The following TERF1 variants were observed in gnomAD, a reference collection of about 807,000 sequenced individuals.
TERF1 encodes telomeric repeat binding factor 1.
In TERF1, 20 loss-of-function variants were observed where a neutral mutation model predicts 55.1. The observed-to-expected ratio is 0.36, with a 90% CI of 0.26 to 0.53. The LOEUF (loss-of-function observed/expected upper bound fraction) is 0.53. Ranked by LOEUF, TERF1 falls within the 20% of genes least tolerant of loss-of-function variation. The probability of loss-of-function intolerance (pLI) is 0.91; values close to 1 mark genes in which losing one functional copy is unlikely to be tolerated. For synonymous variants in TERF1, 168 were observed against 181.2 expected, an observed-to-expected ratio of 0.93 and a Z score of 0.59; for missense variants, 439 against 535.7, an observed-to-expected ratio of 0.82 and a Z score of 1.78.
chr8:73,030,119 C>T (rs1207846082), intron 6 of TERF1: 5 of 373,890 alleles, frequency 1.3e-5, no homozygotes, highest in African/African-American at 1.0e-4. Flanking sequence ...ATTAATTATG[C>T]TTATGTTTGG....
Position 73,047,561 on chromosome 8 carries a change from A to G in TERF1, c.*1424A>G, listed in dbSNP as rs1042160386. 9 of 152,210 alleles carry G rather than the reference A, an allele frequency of 5.9e-5. No homozygotes were observed. The highest frequency in any genetic ancestry group is 2.2e-4 in the African/African-American group (9 of 41,464). 9.4% of individuals were successfully genotyped at this position (152,210 alleles called of 1,614,324 possible). ...ATTTAGACTAACAGAATTATTTAGCATTTCGAGTCATGTGCTTTATTTAGC... is the reference window on the plus strand; with the variant it reads ...ATTTAGACTAACAGAATTATTTAGCGTTTCGAGTCATGTGCTTTATTTAGC... On this transcript the variant is annotated 3_prime_UTR_variant, in exon 10 of 10. Coordinates refer to ENST00000276603, the MANE Select transcript of TERF1 (RefSeq NM_017489.3).
chr8:73,022,550 A>G (rs1243028186), intron 4 of TERF1, among the ~76,000 whole-genome samples: 1 of 152,172 alleles, frequency 6.6e-6, no homozygotes, highest in African/African-American at 2.4e-5. Context: ...GAGCTCAGGC[A>G]TTCGAGACCA....
chr8:73,038,795 C>T (rs898352340), intron 8 of TERF1: 35 of 947,704 alleles, frequency 3.7e-5, no homozygotes, highest in African/African-American at 3.4e-4. Context: ...AAAACATTAT[C>T]GTAAGAAAAT....
Position 73,016,861 on chromosome 8 carries a change from A to G in TERF1, c.415+2871A>G, listed in dbSNP as rs529956750. 9.8e-5 allele frequency among the ~76,000 whole-genome samples: 15 copies of G among 152,304 alleles called. No homozygotes were observed. In the East Asian group the frequency reaches 2.7e-3, roughly 27 times the overall value. Reference sequence around the variant, plus strand: ...CTGTTCTTATTTGTCTTTCTCCAGTAAAGTCTCTCTGGCTGGAGTGCACTG... The same window carrying G: ...CTGTTCTTATTTGTCTTTCTCCAGTGAAGTCTCTCTGGCTGGAGTGCACTG... On this transcript the variant is annotated intron_variant, in intron 2 of 9. Transcript: ENST00000276603.
At chr8:73,038,739 A>G in intron 8 of TERF1, 1 of 969,458 alleles carries the variant, frequency 1.0e-6, no homozygotes, top group Non-Finnish European at 1.2e-6. Flanking sequence ...CTGACTATGA[A>G]TAAGAAAGAA....
At chr8:73,023,088 G>A (rs1028858064) in intron 4 of TERF1, among the ~76,000 whole-genome samples, 1 of 152,118 alleles carries the variant, frequency 6.6e-6, no homozygotes, top group African/African-American at 2.4e-5. Flanking sequence ...ATCTGTATGT[G>A]TTCAGTACAG....
At chr8:73,020,605 T>TGCATATACACTCAG in intron 2 of TERF1, 79 bp from the exon 3 acceptor site, 2 of 1,274,698 alleles carry the variant, frequency 1.6e-6, no homozygotes, top group Admixed American at 4.8e-5. Flanking sequence ...CAGTAAATAT[T>TGCATATACACTCAG]TAAAGGAATG....
chr8:73,032,091 C>G lies in TERF1; in HGVS notation c.997C>G (p.Gln333Glu). ...TAAGTTGCAACATGGAACCCAGCAA[C>G]AAGACCTTAATAAGAAAGAAAGAAG... ...LSKLQHGTQQ[Q>E]DLNKKERRVG... The change falls in exon 8 of 10, where the codon CAA (glutamine) becomes GAA (glutamate). Residue 333 changes from glutamine (Q) to glutamate (E), a missense_variant. By Grantham distance (29) the Gln-to-Glu change is conservative. Transcript: ENST00000276603. 2 of 1,612,288 alleles carry G rather than the reference C, an allele frequency of 1.2e-6. No homozygotes were observed. Among genetic ancestry groups the G allele is most frequent in the Non-Finnish European group, 1.7e-6 (2 of 1,179,474 alleles).
chr8:73,022,823 C>T (rs1808823129), intron 4 of TERF1, among the ~76,000 whole-genome samples: 1 of 151,988 alleles, frequency 6.6e-6, no homozygotes, highest in African/African-American at 2.4e-5. Flanking sequence ...TGGCGCAATA[C>T]TGTAGTCCTG....
chr8:73,026,370 G>A (rs1172591679), intron 5 of TERF1, among the ~76,000 whole-genome samples: 3 of 150,564 alleles, frequency 2.0e-5, no homozygotes, highest in East Asian at 2.0e-4. Flanking sequence ...GCATAGTGGC[G>A]CATGCCTGTA....
intron 9 of TERF1, among the ~76,000 whole-genome samples, chr8:73,040,462 T>C (rs995138897): frequency 1.3e-5 from 2 of 152,238 alleles, no homozygotes; most frequent in African/African-American, 4.8e-5. Flanking sequence ...TTGTTGCTTT[T>C]GGGTGAATTC....
chr8:73,009,037 G>C lies in TERF1; in HGVS notation c.151G>C (p.Val51Leu). ...GGAACTGCTCGAGTGCCAGGTGCAG[G>C]TGGGGGCCCCCGAGGAGGAGGAGGA... Reference protein sequence around the residue: ...CQELLECQVQVGAPEEEEEEE... With the variant: ...CQELLECQVQLGAPEEEEEEE... The change falls in exon 1 of 10, where the codon GTG (valine) becomes CTG (leucine). Residue 51 changes from valine to leucine, a missense_variant. Transcript: ENST00000276603. 2 of 1,610,998 alleles carry C rather than the reference G, an allele frequency of 1.2e-6. No homozygotes were observed. The highest frequency in any genetic ancestry group is 1.7e-6 in the Non-Finnish European group (2 of 1,178,934).
At chr8:73,034,275 G>T (rs1212590407) in intron 8 of TERF1, among the ~76,000 whole-genome samples, 1 of 152,170 alleles carries the variant, frequency 6.6e-6, no homozygotes, top group Non-Finnish European at 1.5e-5. Flanking sequence ...GGGATTACAG[G>T]AGTGTGCCAC....
chr8:73,019,114 A>C (rs1163892930), intron 2 of TERF1: 1 of 152,202 alleles, frequency 6.6e-6, no homozygotes, highest in Non-Finnish European at 1.5e-5. Context: ...ACAGCATTCA[A>C]GAAAGAGGTG....
Position 73,037,908 on chromosome 8 carries a change from GATATA to G in TERF1, c.1040-1202_1040-1198del, listed in dbSNP as rs557334297. On this transcript the variant is annotated intron_variant, in intron 8 of 9. Transcript: ENST00000276603. ...TATGATATATAATATATATAAATAT[GATATA>G]ATATATAATATATATAAATATTATA... 7.5e-3 allele frequency among the ~76,000 whole-genome samples: 763 copies of G among 102,272 alleles called. 6 individuals carry two copies. The highest frequency in any genetic ancestry group is 0.024 in the African/African-American group (683 of 28,974). 67.1% of individuals were successfully genotyped at this position (102,272 alleles called of 152,430 possible). A position where few individuals can be genotyped will look rare whatever the true frequency, so the allele number is the denominator to read the frequency against.
chr8:73,042,889 A>G (rs1809890463), intron 9 of TERF1: 1 of 152,234 alleles, frequency 6.6e-6, no homozygotes, highest in South Asian at 2.1e-4. Context: ...TAAAAGACAA[A>G]TGACAATAAA....
intron 6 of TERF1, 184 bp from the exon 7 acceptor site, chr8:73,030,152 T>A: frequency 2.5e-6 from 1 of 404,622 alleles, no homozygotes; most frequent in Non-Finnish European, 4.4e-6. Context: ...TAATACCTCT[T>A]ATAAGCATGT....
intron 8 of TERF1, among the ~76,000 whole-genome samples, chr8:73,037,195 T>A (rs1193766400): frequency 7.4e-6 from 1 of 135,280 alleles, no homozygotes; most frequent in Middle Eastern, 3.7e-3. Context: ...ATAATATATA[T>A]TATATAATAT....
chr8:73,032,650 G>A (rs1231148238), intron 8 of TERF1, among the ~76,000 whole-genome samples: 2 of 151,834 alleles, frequency 1.3e-5, no homozygotes, highest in East Asian at 3.8e-4. Flanking sequence ...ATCACCCAAC[G>A]CCCCATTTCT....
Sources: gnomAD v4.1 joint callset for allele counts (sites outside exome capture counted in the v4.1 genomes callset) on GRCh38, gnomAD v4.1.1 for gene constraint, MANE v1.5 for transcripts, NCBI Gene and HGNC (gene_info 2026-07-23, HGNC 2026-07-21) for gene names.